Variants in NRXN1 observed in about 807,000 individuals in gnomAD.
NRXN1 encodes neurexin 1.
NRXN1 carries 39 observed loss-of-function variants against 150.9 expected under a neutral mutation model. The ratio of observed to expected loss-of-function variants is 0.26; its 90% CI spans 0.20 to 0.34. The LOEUF is 0.34. NRXN1 is among the 10% of genes least tolerant of loss of function. NRXN1 has a pLI of 1.00. For missense variants in NRXN1, 1,815 were observed against 1,949.9 expected (o/e 0.93, Z 1.30); for synonymous variants, 924 against 757.0 (o/e 1.22, Z -3.62).
chr2:49,983,873 C>G (rs1680423769), intron 21 of NRXN1, among the ~76,000 whole-genome samples: 1 of 152,054 alleles, frequency 6.6e-6, no homozygotes, highest in Non-Finnish European at 1.5e-5. Context: ...TCTACCAAAA[C>G]TGGTAAGAAA....
intron 18 of NRXN1, among the ~76,000 whole-genome samples, chr2:50,191,502 C>T (rs2152822857): frequency 6.6e-6 from 1 of 152,144 alleles, no homozygotes; most frequent in East Asian, 1.9e-4. Flanking sequence ...TATATGTGGC[C>T]ACCACCACAG....
At chr2:50,960,634 C>T (rs978801564) in intron 2 of NRXN1, among the ~76,000 whole-genome samples, 7 of 151,902 alleles carry the variant, frequency 4.6e-5, no homozygotes, top group Non-Finnish European at 1.5e-5. Context: ...CTTGCTTCCT[C>T]TCAGGATTTA....
At chr2:50,717,516 G>A (rs1452938607) in intron 5 of NRXN1, among the ~76,000 whole-genome samples, 4 of 152,228 alleles carry the variant, frequency 2.6e-5, no homozygotes, top group South Asian at 2.1e-4. Flanking sequence ...ATTTCTACAC[G>A]ACAAGACTAT....
intron 8 of NRXN1, among the ~76,000 whole-genome samples, chr2:50,612,249 G>GAAT (rs1251509857): frequency 2.9e-5 from 3 of 104,254 alleles, no homozygotes; most frequent in Non-Finnish European, 2.3e-5. Context: ...TTCATGCTTA[G>GAAT]AGTATTACCT....
chr2:50,548,545 T>TA, intron 9 of NRXN1, among the ~76,000 whole-genome samples: 1 of 152,316 alleles, frequency 6.6e-6, no homozygotes, highest in East Asian at 1.9e-4. Flanking sequence ...TATTTTATTT[T>TA]TTTTTAGAGT....
intron 21 of NRXN1, among the ~76,000 whole-genome samples, chr2:50,019,743 G>A (rs988378909): frequency 1.3e-5 from 2 of 148,826 alleles, no homozygotes; most frequent in African/African-American, 5.0e-5. Context: ...TCAGGAGATC[G>A]AGACCATTCT....
chr2:50,195,010 A>G (rs1042442332), intron 18 of NRXN1, among the ~76,000 whole-genome samples: 1 of 152,198 alleles, frequency 6.6e-6, no homozygotes, highest in Non-Finnish European at 1.5e-5. Context: ...ACGGCCCTGT[A>G]GATGAAAGAT....
chr2:50,635,163 TTC>T (rs1400708879), intron 5 of NRXN1, among the ~76,000 whole-genome samples: 2 of 143,978 alleles, frequency 1.4e-5, no homozygotes, highest in Non-Finnish European at 3.2e-5. Context: ...GATTAAATTC[TTC>T]TTTTTTTTTT....
At chr2:50,883,423 T>C (rs200761929) in intron 5 of NRXN1, among the ~76,000 whole-genome samples, 2 of 113,258 alleles carry the variant, frequency 1.8e-5, no homozygotes, top group Non-Finnish European at 4.1e-5. Flanking sequence ...ATTTACATCT[T>C]TTTTTTTTTT....
intron 2 of NRXN1, among the ~76,000 whole-genome samples, chr2:51,022,770 A>G (rs1669830466): frequency 6.6e-6 from 1 of 152,208 alleles, no homozygotes; most frequent in Admixed American, 6.5e-5. Flanking sequence ...AAGCACCTAC[A>G]AAATATTTTC....
At chr2:50,370,182 C>T (rs1196588073) in intron 17 of NRXN1, among the ~76,000 whole-genome samples, 1 of 151,970 alleles carries the variant, frequency 6.6e-6, no homozygotes, top group Admixed American at 6.6e-5. Flanking sequence ...AACTATATTG[C>T]AAATACATTA....
chr2:50,491,623 G>C (rs1308086244), intron 15 of NRXN1, among the ~76,000 whole-genome samples: 3 of 152,164 alleles, frequency 2.0e-5, no homozygotes, highest in Non-Finnish European at 2.9e-5. Context: ...TTTTGGGTTT[G>C]AGAGGGAGAA....
chr2:50,109,909 C>T (rs150560384), intron 18 of NRXN1, among the ~76,000 whole-genome samples: 38 of 152,162 alleles, frequency 2.5e-4, no homozygotes, highest in African/African-American at 6.5e-4. Context: ...AAAATAAAGA[C>T]GGTCTAGAAC....
At position 50,346,958 on chromosome 2, in the gene NRXN1, GC is replaced by G; in HGVS notation, c.3365-109989del. The G allele has an allele frequency of 7.3e-7, 1 of 1,364,962 alleles. No individual in the cohort carries two copies. The highest frequency in any genetic ancestry group is 9.4e-7 in the Non-Finnish European group (1 of 1,058,816). 84.6% of individuals were successfully genotyped at this position (1,364,962 alleles called of 1,614,324 possible). ...AGCATCCTCTGGTACATGGCGGGGC[GC>G]CCGCCGAGGGGCAGCCGCCGCGGGA... On this transcript the variant is annotated intron_variant, in intron 17 of 22. Coordinates refer to ENST00000401669, the MANE Select transcript of NRXN1 (RefSeq NM_001330078.2). This position sits in a 1 kb window ranked among gnomAD's most constrained non-coding sequence, Gnocchi z 5.0.
chr2:50,736,512 C>T (rs940973929), intron 5 of NRXN1, among the ~76,000 whole-genome samples: 2 of 152,262 alleles, frequency 1.3e-5, no homozygotes, highest in Non-Finnish European at 2.9e-5. Flanking sequence ...CCCATAATTC[C>T]CATCTGTTAT....
chr2:50,408,478 C>G (rs1439830679), intron 17 of NRXN1, among the ~76,000 whole-genome samples: 1 of 152,222 alleles, frequency 6.6e-6, no homozygotes, highest in Non-Finnish European at 1.5e-5. Context: ...GTGGAACAGT[C>G]TGGCTTTCAG....
chr2:50,207,647 A>T (rs1353412223), intron 18 of NRXN1: 4 of 168,500 alleles, frequency 2.4e-5, no homozygotes, highest in African/African-American at 9.6e-5. Context: ...AAGGCCATCT[A>T]TGTTCTTTCA....
At chr2:50,531,857 T>G (rs2093124609) in intron 10 of NRXN1, among the ~76,000 whole-genome samples, 1 of 151,946 alleles carries the variant, frequency 6.6e-6, no homozygotes, top group African/African-American at 2.4e-5. Flanking sequence ...TTTGTTGTTG[T>G]TTGTTTGTTT....
intron 8 of NRXN1, among the ~76,000 whole-genome samples, chr2:50,595,396 A>G (rs1007522350): frequency 1.3e-4 from 20 of 150,206 alleles, no homozygotes; most frequent in African/African-American, 4.7e-4. Flanking sequence ...TCCCTTGATT[A>G]TGATTTATGG....
Sources: allele counts gnomAD v4.1 joint callset (sites outside exome capture counted in the v4.1 genomes callset), GRCh38; gene constraint gnomAD v4.1.1; non-coding constraint Gnocchi (gnomAD v3.1); transcripts MANE v1.5; gene names NCBI Gene and HGNC (gene_info 2026-07-23, HGNC 2026-07-21).